Variants in RAB10 observed in about 807,000 individuals in gnomAD.
The protein encoded by RAB10 is RAB10, member RAS oncogene family, also known as ras-related protein Rab-10.
Under a neutral mutation model 25.7 loss-of-function variants are expected in RAB10, and 5 were observed. That is an observed-to-expected ratio of 0.19 (90% confidence interval 0.10 to 0.41). The LOEUF (loss-of-function observed/expected upper bound fraction) is 0.41, where lower values mean the gene tolerates loss of function less well. Among genes scored for constraint, RAB10 ranks in the 10% least tolerant of loss-of-function variants. The pLI is 1.00. For synonymous variants in RAB10, 89 were observed against 86.4 expected (o/e 1.03, Z -0.16); for missense variants, 103 against 245.8 (o/e 0.42, Z 3.89).
intron 1 of RAB10, among the ~76,000 whole-genome samples, chr2:26,080,922 G>A (rs2149273660): frequency 6.6e-6 from 1 of 152,274 alleles, no homozygotes; most frequent in East Asian, 1.9e-4. Flanking sequence ...TGTTGATATG[G>A]TCTGGCTGTT....
chr2:26,136,872 A>G lies in RAB10; in HGVS notation c.*1851A>G, dbSNP rs907627210. Reference sequence around the variant, plus strand: ...CTTGACTTTATCATTGTTTACTACTAGTAAAAAGCAGCATTGCCAAATAAT... The same window carrying G: ...CTTGACTTTATCATTGTTTACTACTGGTAAAAAGCAGCATTGCCAAATAAT... On this transcript the variant is annotated 3_prime_UTR_variant, in exon 6 of 6. Coordinates refer to ENST00000264710, the MANE Select transcript of RAB10 (RefSeq NM_016131.5). 6 of 152,590 alleles carry G rather than the reference A, an allele frequency of 3.9e-5. No homozygotes were observed. Among genetic ancestry groups the G allele is most frequent in the African/African-American group, 1.4e-4 (6 of 41,460 alleles). 9.5% of individuals were successfully genotyped at this position (152,590 alleles called of 1,614,324 possible). A position where few individuals can be genotyped will look rare whatever the true frequency, so the allele number is the denominator to read the frequency against.
chr2:26,044,248 G>A (rs1331034895), intron 1 of RAB10, among the ~76,000 whole-genome samples: 1 of 152,228 alleles, frequency 6.6e-6, no homozygotes, highest in Non-Finnish European at 1.5e-5. Flanking sequence ...CTCTAAAAGA[G>A]CATTTGATCA....
chr2:26,127,346 TA>T, intron 4 of RAB10, 113 bp downstream of exon 4: 1 of 796,944 alleles, frequency 1.3e-6, no homozygotes, highest in African/African-American at 1.8e-5. Context: ...ACATAGTTTT[TA>T]AAATGCTTGT....
chr2:26,127,823 TATG>T (rs1667933984), intron 4 of RAB10, 24 bp from the exon 5 acceptor site: 4 of 1,516,652 alleles, frequency 2.6e-6, no homozygotes, highest in African/African-American at 1.4e-5. Context: ...TTGATAATTT[TATG>T]ATGATATTTT....
chr2:26,038,199 G>GTT (rs35621018), intron 1 of RAB10, among the ~76,000 whole-genome samples: 21 of 127,694 alleles, frequency 1.6e-4, no homozygotes, highest in African/African-American at 3.2e-4. Flanking sequence ...TTGTTTGTTT[G>GTT]TTTTTTTTTT....
intron 1 of RAB10, among the ~76,000 whole-genome samples, chr2:26,048,466 A>G (rs1374019018): frequency 6.6e-6 from 1 of 152,204 alleles, no homozygotes; most frequent in Non-Finnish European, 1.5e-5. Flanking sequence ...CCTGATTGCC[A>G]AAGGTGTTGA....
At chr2:26,081,627 C>T (rs766006640) in intron 1 of RAB10, among the ~76,000 whole-genome samples, 17 of 152,134 alleles carry the variant, frequency 1.1e-4, no homozygotes, top group African/African-American at 1.7e-4. Context: ...TTCTGATTGA[C>T]GTACTTGGGT....
intron 1 of RAB10, among the ~76,000 whole-genome samples, chr2:26,058,467 T>C (rs1666314871): frequency 6.6e-6 from 1 of 152,070 alleles, no homozygotes; most frequent in Non-Finnish European, 1.5e-5. Context: ...TTTGCTATGC[T>C]GCTCACTCTG....
At chr2:26,061,266 C>G (rs1486828329) in intron 1 of RAB10, among the ~76,000 whole-genome samples, 8 of 151,890 alleles carry the variant, frequency 5.3e-5, no homozygotes, top group Admixed American at 5.3e-4. Context: ...CAGGTGCACA[C>G]CACCAGGTCC....
At position 26,089,098 on chromosome 2, in the gene RAB10, G is replaced by A. The variant is rs1667049555; in HGVS notation, c.128-9564G>A. On this transcript the variant is annotated intron_variant, in intron 1 of 5. Transcript: ENST00000264710. ...GGAATAAGACTGGAGAGGTGGCTTG[G>A]GGCCATGCTCAGAAATATATTTATT... Among the ~76,000 whole-genome samples, 4 of 152,060 alleles carry A rather than the reference G, an allele frequency of 2.6e-5. No individual in the cohort carries two copies. In the East Asian group the frequency reaches 7.7e-4, roughly 29 times the overall value.
At chr2:26,125,046 T>C (rs1559599622) in intron 3 of RAB10, among the ~76,000 whole-genome samples, 1 of 152,226 alleles carries the variant, frequency 6.6e-6, no homozygotes, top group Non-Finnish European at 1.5e-5. Flanking sequence ...CTTTTACTAT[T>C]GTGAATAATG....
intron 1 of RAB10, among the ~76,000 whole-genome samples, chr2:26,072,033 C>T (rs1666638175): frequency 6.6e-6 from 1 of 150,726 alleles, no homozygotes; most frequent in Non-Finnish European, 1.5e-5. Context: ...TGTTAATGAA[C>T]TATTAATTTC....
chr2:26,100,035 G>GT (rs1257832219), intron 2 of RAB10, among the ~76,000 whole-genome samples: 1 of 152,136 alleles, frequency 6.6e-6, no homozygotes, highest in Non-Finnish European at 1.5e-5. Context: ...GCAATCAATA[G>GT]TTTATTTCAA....
rs1039857901 is a variant in RAB10 at position 26,034,601 on chromosome 2, T to C, written c.-8T>C. ...CGCCGGCGGCGAGAGCCCGAGCCGC[T>C]CCTCCCAATGGCGAAGAAGACGTAC... On this transcript the variant is annotated 5_prime_UTR_variant, in exon 1 of 6. Coordinates refer to ENST00000264710, the MANE Select transcript of RAB10 (RefSeq NM_016131.5). 5.0e-6 allele frequency: 8 copies of C among 1,613,006 alleles called. No individual in the cohort carries two copies. The Admixed American group carries it at 5.0e-5, about 10-fold the overall frequency.
intron 5 of RAB10, among the ~76,000 whole-genome samples, chr2:26,130,632 A>G (rs1346693460): frequency 1.3e-5 from 2 of 152,046 alleles, no homozygotes; most frequent in African/African-American, 4.8e-5. Context: ...TTTGGTAGAG[A>G]TTGGGGGTGT....
intron 1 of RAB10, among the ~76,000 whole-genome samples, chr2:26,070,269 T>G (rs7559386): frequency 6.6e-6 from 1 of 152,182 alleles, no homozygotes; most frequent in Admixed American, 6.5e-5. Context: ...CAGGCAGATA[T>G]GCTTGAGAGC....
chr2:26,126,167 G>A (rs1335129044), intron 3 of RAB10, among the ~76,000 whole-genome samples: 1 of 152,164 alleles, frequency 6.6e-6, no homozygotes, highest in East Asian at 1.9e-4. Flanking sequence ...ATTTGACTAA[G>A]TATGTGAGGA....
chr2:26,076,355 G>A lies in RAB10; in HGVS notation c.128-22307G>A, dbSNP rs190063046. On this transcript the variant is annotated intron_variant, in intron 1 of 5. Transcript: ENST00000264710. ...TAATTCTGAAAGTGAATCTACTGTT[G>A]ACATTAAACTTGTATTTGCTTATTG... 1.4e-4 allele frequency among the ~76,000 whole-genome samples: 22 copies of A among 152,208 alleles called. No homozygotes were observed. In the East Asian group the frequency reaches 3.5e-3, roughly 24 times the overall value.
In RAB10 at chr2:26,135,162, T is replaced by C; in HGVS notation, c.*141T>C. 1.7e-6 allele frequency: 1 copy of C among 591,538 alleles called. No homozygotes were observed. Among genetic ancestry groups the C allele is most frequent in the Non-Finnish European group, 2.8e-6 (1 of 358,990 alleles). The allele number at this position is 591,538 out of a possible 1,614,324, so 36.6% of individuals were successfully genotyped here. ...TATCCAAGCCACCTATTTTATTTGT[T>C]CTTTCATCTGTGACTGCTTGCTGAC... On this transcript the variant is annotated 3_prime_UTR_variant, in exon 6 of 6. Coordinates refer to ENST00000264710, the MANE Select transcript of RAB10 (RefSeq NM_016131.5).
Sources: gnomAD v4.1 joint callset for allele counts (sites outside exome capture counted in the v4.1 genomes callset) on GRCh38, gnomAD v4.1.1 for gene constraint, MANE v1.5 for transcripts, NCBI Gene and HGNC (gene_info 2026-07-23, HGNC 2026-07-21) for gene names.